GABRA3: variants seen among roughly 807,000 people sequenced by gnomAD.
GABRA3 encodes the protein gamma-aminobutyric acid receptor subunit alpha-3.
GABRA3 carries 10 observed loss-of-function variants against 30.1 expected under a neutral mutation model. The observed-to-expected ratio is 0.33, with a 90% CI of 0.20 to 0.56. The LOEUF is 0.56. Among genes scored for constraint, GABRA3 ranks in the 20% least tolerant of loss-of-function variants. The pLI is 0.89. For missense variants in GABRA3, 233 were observed against 392.0 expected, an observed-to-expected ratio of 0.59 and a Z score of 3.42; for synonymous variants, 151 against 146.8, an observed-to-expected ratio of 1.03 and a Z score of -0.21.
intron 2 of GABRA3, among the ~76,000 whole-genome samples, chrX:152,362,678 T>C (rs1190892658): frequency 2.7e-5 from 3 of 111,558 alleles, no homozygotes; most frequent in Non-Finnish European, 5.6e-5. Context: ...CAGATTAAAC[T>C]AGGGTGCTAG....
At chrX:152,272,062 C>T (rs778124005) in intron 4 of GABRA3, among the ~76,000 whole-genome samples, 130 of 111,756 alleles carry the variant, frequency 1.2e-3, no homozygotes, top group Non-Finnish European at 2.0e-3. Context: ...GGGGAATGAT[C>T]GAGTTGGATC....
chrX:152,254,339 C>A (rs748694371), intron 5 of GABRA3, among the ~76,000 whole-genome samples: 20 of 110,659 alleles, frequency 1.8e-4, no homozygotes, highest in African/African-American at 6.6e-4. Flanking sequence ...AATATCTAAT[C>A]TAGCTTCTTT....
intron 1 of GABRA3, among the ~76,000 whole-genome samples, chrX:152,405,923 C>A (rs752711609): frequency 1.8e-5 from 2 of 111,660 alleles, no homozygotes; most frequent in South Asian, 7.7e-4. Context: ...AGAGTGTTCA[C>A]ATGACCTCTC....
At chrX:152,225,996 A>T (rs1408102072) in intron 5 of GABRA3, among the ~76,000 whole-genome samples, 1 of 111,183 alleles carries the variant, frequency 9.0e-6, no homozygotes, top group Non-Finnish European at 1.9e-5. Flanking sequence ...AATCTCGCCT[A>T]ATAAAATATC....
At chrX:152,433,669 T>A (rs1335358212) in intron 1 of GABRA3, among the ~76,000 whole-genome samples, 1 of 40,633 alleles carries the variant, frequency 2.5e-5, no homozygotes, top group Non-Finnish European at 5.1e-5. Context: ...ATAATAAAAA[T>A]AAGAGCAGAA....
At chrX:152,316,585 G>A (rs1317817226) in intron 3 of GABRA3, among the ~76,000 whole-genome samples, 4 of 111,636 alleles carry the variant, frequency 3.6e-5, no homozygotes, top group African/African-American at 1.3e-4. Flanking sequence ...AGACAAAGGA[G>A]AGAATCTTAA....
chrX:152,279,214 G>T (rs1451634774), intron 4 of GABRA3, among the ~76,000 whole-genome samples: 1 of 111,508 alleles, frequency 9.0e-6, no homozygotes, highest in Non-Finnish European at 1.9e-5. Context: ...GTATTGCCTA[G>T]GTTTTCTTCT....
chrX:152,338,523 C>G (rs80254326), intron 3 of GABRA3, among the ~76,000 whole-genome samples: 13,528 of 111,252 alleles, frequency 0.12, 677 homozygotes, highest in African/African-American at 0.18. Flanking sequence ...AGCACAGAAG[C>G]CTTTTAGCTA....
Position 152,209,529 on chromosome X carries a change from C to A in GABRA3, c.635-1385G>T, listed in dbSNP as rs1556764468. 5.4e-5 allele frequency among the ~76,000 whole-genome samples: 6 copies of A among 111,376 alleles called. No individual in the cohort carries two copies. The South Asian group carries it at 2.3e-3, about 42-fold the overall frequency. ...AGCTCATGGTGGCAACTACTATACC[C>A]CTAATATACTCTATTGAAACCTTCT... On this transcript the variant is annotated intron_variant, in intron 6 of 9. Transcript: ENST00000370314.
intron 1 of GABRA3, among the ~76,000 whole-genome samples, chrX:152,434,532 C>G: frequency 9.0e-6 from 1 of 111,524 alleles, no homozygotes; most frequent in South Asian, 3.7e-4. Flanking sequence ...AAAACACTTC[C>G]CACCTCATTT....
intron 1 of GABRA3, among the ~76,000 whole-genome samples, chrX:152,400,875 G>T (rs1479797141): frequency 9.0e-6 from 1 of 111,368 alleles, no homozygotes; most frequent in East Asian, 2.8e-4. Flanking sequence ...TCCAGGGAAT[G>T]TAGGTGACCT....
At chrX:152,236,152 A>G (rs1365628217) in intron 5 of GABRA3, among the ~76,000 whole-genome samples, 2 of 44,774 alleles carry the variant, frequency 4.5e-5, no homozygotes, top group Non-Finnish European at 7.7e-5. Context: ...CCCTCCCCCC[A>G]CCCCACCACA....
chrX:152,260,910 T>C (rs1293821037), intron 4 of GABRA3, among the ~76,000 whole-genome samples: 5 of 111,965 alleles, frequency 4.5e-5, no homozygotes, highest in Non-Finnish European at 9.4e-5. Flanking sequence ...ATTCTCATGA[T>C]ACAAATAAAG....
chrX:152,229,946 T>G (rs1285086122), intron 5 of GABRA3, among the ~76,000 whole-genome samples: 1 of 98,803 alleles, frequency 1.0e-5, no homozygotes. Context: ...CTTCCTCAAC[T>G]GATAAATGGC....
At chrX:152,236,703 G>T (rs1216771111) in intron 5 of GABRA3, among the ~76,000 whole-genome samples, 1 of 105,478 alleles carries the variant, frequency 9.5e-6, no homozygotes, top group Non-Finnish European at 1.9e-5. Flanking sequence ...GGTGTGAGAT[G>T]GTATCTCATT....
At chrX:152,305,079 C>T (rs1458637809) in intron 3 of GABRA3, among the ~76,000 whole-genome samples, 1 of 111,014 alleles carries the variant, frequency 9.0e-6, no homozygotes, top group Non-Finnish European at 1.9e-5. Flanking sequence ...ATTTCAATAG[C>T]TTATGCCTGC....
chrX:152,212,284 C>CAAAAAA lies in GABRA3; in HGVS notation c.635-4146_635-4141dup, dbSNP rs1331261732. ...AGGCAATAGAGCAAGGCCTTTGTCT[C>CAAAAAA]AAAAAAAAAAAAAAAAAAAAAAAAA... On this transcript the variant is annotated intron_variant, in intron 6 of 9. Transcript: ENST00000370314. 2.3e-4 allele frequency among the ~76,000 whole-genome samples: 6 copies of CAAAAAA among 26,445 alleles called. 2 individuals are homozygous for CAAAAAA. Among genetic ancestry groups the CAAAAAA allele is most frequent in the African/African-American group, 1.3e-3 (6 of 4,515 alleles). 23.0% of individuals were successfully genotyped at this position (26,445 alleles called of 115,157 possible).
chrX:152,303,042 TG>T (rs1939658945), intron 3 of GABRA3, among the ~76,000 whole-genome samples: 3 of 112,074 alleles, frequency 2.7e-5, no homozygotes, highest in Admixed American at 9.5e-5. Context: ...CTGAACATAC[TG>T]GTGCATGTGT....
chrX:152,182,825 CAT>C (rs1267407296), intron 9 of GABRA3, among the ~76,000 whole-genome samples: 31 of 55,760 alleles, frequency 5.6e-4, no homozygotes, highest in African/African-American at 1.9e-3. Flanking sequence ...CATATATATA[CAT>C]ATATATAGTA....
Sources: gnomAD v4.1 joint callset for allele counts (sites outside exome capture counted in the v4.1 genomes callset) on GRCh38, gnomAD v4.1.1 for gene constraint, MANE v1.5 for transcripts, NCBI Gene and HGNC (gene_info 2026-07-23, HGNC 2026-07-21) for gene names.